The following HIVEP3 variants were observed in gnomAD, a reference collection of about 807,000 sequenced individuals.
HIVEP3 encodes HIVEP zinc finger 3.
Under a neutral mutation model 152.8 loss-of-function variants are expected in HIVEP3, and 49 were observed. That is an observed-to-expected ratio of 0.32 (90% CI 0.26 to 0.41). The LOEUF (loss-of-function observed/expected upper bound fraction) is 0.41, where lower values mean the gene tolerates loss of function less well. HIVEP3 is among the 10% of genes least tolerant of loss of function. The pLI, the probability that HIVEP3 is intolerant of heterozygous loss-of-function variation, is 1.00. For synonymous variants in HIVEP3, 1,269 were observed against 1,289.0 expected, an observed-to-expected ratio of 0.98 and a Z score of 0.33; for missense variants, 2,790 against 3,103.3, an observed-to-expected ratio of 0.90 and a Z score of 2.40.
intron 2 of HIVEP3, among the ~76,000 whole-genome samples, chr1:41,698,867 C>T (rs1646317717): frequency 6.6e-6 from 1 of 151,570 alleles, no homozygotes; most frequent in Non-Finnish European, 1.5e-5. Context: ...CAGTGTGTGG[C>T]TGTTCCTTTG....
chr1:42,029,587 C>T (rs1338934310), intron 1 of HIVEP3, among the ~76,000 whole-genome samples: 2 of 152,198 alleles, frequency 1.3e-5, no homozygotes, highest in African/African-American at 2.4e-5. Flanking sequence ...CCATCTACAC[C>T]TCTTTGTGGA....
chr1:41,673,781 T>C (rs900589861), intron 2 of HIVEP3, among the ~76,000 whole-genome samples: 5 of 152,156 alleles, frequency 3.3e-5, no homozygotes, highest in African/African-American at 1.2e-4. Flanking sequence ...AGGGATAAAA[T>C]GTTCAGTTTG....
chr1:41,538,463 A>T (rs1276604605), intron 5 of HIVEP3, among the ~76,000 whole-genome samples: 1 of 152,160 alleles, frequency 6.6e-6, no homozygotes, highest in East Asian at 1.9e-4. Context: ...CTTGCTACCT[A>T]CAGTGGCATT....
intron 1 of HIVEP3, among the ~76,000 whole-genome samples, chr1:41,909,712 A>G (rs962034869): frequency 2.0e-5 from 3 of 152,170 alleles, no homozygotes; most frequent in Non-Finnish European, 4.4e-5. Flanking sequence ...CAAGCCTTAC[A>G]GTAAGCTTCA....
chr1:41,979,557 C>T lies in HIVEP3; in HGVS notation n.119+56250G>A, dbSNP rs1195789462. Among the ~76,000 whole-genome samples the T allele has an allele frequency of 2.6e-5, 4 of 152,182 alleles. No homozygotes were observed. The East Asian group carries it at 7.7e-4, about 29-fold the overall frequency. On this transcript the variant is annotated intron_variant and non_coding_transcript_variant, in intron 1 of 3. Coordinates refer to the HIVEP3 transcript ENST00000489103. ...GTTCTCTCTCCCTATTACTGTCACTCACTCTATTTTCTTTTCTTTTTTTGA... is the reference window on the plus strand; with the variant it reads ...GTTCTCTCTCCCTATTACTGTCACTTACTCTATTTTCTTTTCTTTTTTTGA...
chr1:41,777,330 C>T (rs544582567), intron 1 of HIVEP3, among the ~76,000 whole-genome samples: 18 of 152,316 alleles, frequency 1.2e-4, no homozygotes, highest in South Asian at 4.1e-4. Context: ...CCAGCTGTTC[C>T]GGCCACGCAG....
chr1:41,556,219 C>T lies in HIVEP3; in HGVS notation c.5207+19325G>A, dbSNP rs548887809. ...AGAACTACCATACCGTTTTTCACAGCGGCTGCACCATTTCACGCTCCCACC... is the reference window on the plus strand; with the variant it reads ...AGAACTACCATACCGTTTTTCACAGTGGCTGCACCATTTCACGCTCCCACC... On this transcript the variant is annotated intron_variant, in intron 5 of 8. Transcript: ENST00000372583. Among the ~76,000 whole-genome samples the T allele has an allele frequency of 6.7e-4, 102 of 152,262 alleles. 4 individuals carry two copies. In the South Asian group the frequency reaches 7.5e-3, roughly 11 times the overall value.
At position 41,851,822 on chromosome 1, in the gene HIVEP3, G is replaced by A. The variant is rs985147289; in HGVS notation, c.-801+66591C>T. Among the ~76,000 whole-genome samples, 17 of 152,288 alleles carry A rather than the reference G, an allele frequency of 1.1e-4. No individual in the cohort carries two copies. The East Asian group carries it at 1.2e-3, about 10-fold the overall frequency. ...TACTTCTCAGCTCTGGTGTCCTTTC[G>A]CACAGAAAGCATGCTGGTGAGTCAG... On this transcript the variant is annotated intron_variant, in intron 1 of 8. Coordinates refer to ENST00000372583, the MANE Select transcript of HIVEP3 (RefSeq NM_024503.5).
chr1:41,518,026 G>A (rs1642656820), intron 7 of HIVEP3, among the ~76,000 whole-genome samples: 1 of 152,220 alleles, frequency 6.6e-6, no homozygotes, highest in Non-Finnish European at 1.5e-5. Flanking sequence ...CATGCATTTA[G>A]AACCCGCCTG....
intron 1 of HIVEP3, among the ~76,000 whole-genome samples, chr1:41,701,864 C>T (rs1010833006): frequency 6.6e-6 from 1 of 151,974 alleles, no homozygotes; most frequent in Non-Finnish European, 1.5e-5. Context: ...TCCATTCATT[C>T]AATATTCATT....
At chr1:41,755,730 T>C (rs1647279023) in intron 1 of HIVEP3, among the ~76,000 whole-genome samples, 1 of 152,102 alleles carries the variant, frequency 6.6e-6, no homozygotes, top group Non-Finnish European at 1.5e-5. Context: ...AGATGTTCAA[T>C]GTCATTAGCC....
chr1:41,677,310 A>G (rs1645972349), intron 2 of HIVEP3, among the ~76,000 whole-genome samples: 1 of 152,234 alleles, frequency 6.6e-6, no homozygotes, highest in East Asian at 1.9e-4. Flanking sequence ...TCTAATCCTC[A>G]TGACAAGCCT....
intron 1 of HIVEP3, chr1:41,847,740 T>C (rs1455911282): frequency 6.6e-6 from 1 of 152,310 alleles, no homozygotes; most frequent in Non-Finnish European, 1.5e-5. Context: ...CAGGGGTGGA[T>C]CCGTGTTCCA....
intron 1 of HIVEP3, among the ~76,000 whole-genome samples, chr1:41,899,619 G>T (rs901082718): frequency 6.6e-6 from 1 of 152,122 alleles, no homozygotes; most frequent in Non-Finnish European, 1.5e-5. Flanking sequence ...CGTTGGCCGG[G>T]CTGGTCTTGA....
intron 5 of HIVEP3, chr1:41,542,130 A>T (rs1331787586): frequency 6.6e-6 from 1 of 152,258 alleles, no homozygotes; most frequent in Non-Finnish European, 1.5e-5. Flanking sequence ...CCAGATTTCA[A>T]TAGGTTCAGA....
chr1:41,989,499 A>G lies in HIVEP3; in HGVS notation n.119+46308T>C, dbSNP rs937619909. On this transcript the variant is annotated intron_variant and non_coding_transcript_variant, in intron 1 of 3. Transcript: ENST00000489103. The stretch of plus-strand genomic sequence containing the variant: ...GAATAATATTTTATAGCAAGTGGTC[A>G]TGGAAGGCTTCATTGATAAGGAGAT... Among the ~76,000 whole-genome samples, 8 of 152,214 alleles carry G rather than the reference A, an allele frequency of 5.3e-5. No individual in the cohort carries two copies. In the East Asian group the frequency reaches 1.2e-3, roughly 22 times the overall value.
intron 1 of HIVEP3, among the ~76,000 whole-genome samples, chr1:41,901,425 A>G (rs916500580): frequency 1.3e-5 from 2 of 152,084 alleles, no homozygotes; most frequent in Admixed American, 1.3e-4. Flanking sequence ...CTAGGGGAAG[A>G]CTACATTGTA....
chr1:41,619,454 A>ATG (rs369682216), intron 3 of HIVEP3, among the ~76,000 whole-genome samples: 6 of 152,306 alleles, frequency 3.9e-5, no homozygotes, highest in East Asian at 1.9e-4. Flanking sequence ...GAGAGTGTGC[A>ATG]TGTGTGTGTA....
At chr1:41,727,606 G>A (rs1050758304) in intron 1 of HIVEP3, among the ~76,000 whole-genome samples, 1 of 152,246 alleles carries the variant, frequency 6.6e-6, no homozygotes, top group African/African-American at 2.4e-5. Flanking sequence ...CGGCGCCGCC[G>A]GAGGAATCCC....
Sources: gnomAD v4.1 joint callset for allele counts (sites outside exome capture counted in the v4.1 genomes callset) on GRCh38, gnomAD v4.1.1 for gene constraint, MANE v1.5 for transcripts, NCBI Gene and HGNC (gene_info 2026-07-23, HGNC 2026-07-21) for gene names.